The following TSC2 variants were observed in gnomAD, a reference collection of about 807,000 sequenced individuals.
The protein encoded by TSC2 is TSC complex subunit 2, also known as tuberin.
Under a neutral mutation model 202.2 loss-of-function variants are expected in TSC2, and 29 were observed. The observed-to-expected ratio is 0.14, with a 90% CI of 0.11 to 0.20. The LOEUF (loss-of-function observed/expected upper bound fraction) is 0.20. Among genes scored for constraint, TSC2 ranks in the 10% least tolerant of loss-of-function variants. The pLI, the probability that TSC2 is intolerant of heterozygous loss-of-function variation, is 1.00. For missense variants in TSC2, 2,429 were observed against 2,420.0 expected (o/e 1.00, Z -0.08); for synonymous variants, 1,349 against 1,044.0 (o/e 1.29, Z -5.63).
Position 2,077,619 on chromosome 16 carries a change from C to T in TSC2, c.2859C>T (p.Pro953=), listed in dbSNP as rs397514968. 5.0e-6 allele frequency: 8 copies of T among 1,613,068 alleles called. No homozygotes were observed. The highest frequency in any genetic ancestry group is 4.0e-5 in the African/African-American group (3 of 74,924). ...RPKSLRIARP[P]KQGLNNSPPV... Reference sequence around the variant, plus strand: ...ATAGTCTGAGGATAGCCAGACCCCCCAAACAAGGCTTGAATAACTCTCCAC... The same window carrying T: ...ATAGTCTGAGGATAGCCAGACCCCCTAAACAAGGCTTGAATAACTCTCCAC... Residue 953 remains proline (P), a synonymous_variant, in exon 26 of 42, where the codon CCC becomes CCT. Transcript: ENST00000219476.
At chr16:2,081,874 C>T in intron 31 of TSC2, 76 bp downstream of exon 31, 2 of 1,561,562 alleles carry the variant, frequency 1.3e-6, no homozygotes, top group Non-Finnish European at 8.7e-7. Context: ...AATGTGGCTC[C>T]TCTCTGCTGA....
chr16:2,083,130 C>T, intron 32 of TSC2: 1 of 456,032 alleles, frequency 2.2e-6, no homozygotes, highest in South Asian at 1.5e-5. Context: ...CTGTGATGGT[C>T]CCCTCTGTTG....
At chr16:2,070,420 T>C (rs2151276501) in intron 16 of TSC2, 36 bp from the exon 17 acceptor site, 2 of 1,613,196 alleles carry the variant, frequency 1.2e-6, no homozygotes, top group Non-Finnish European at 8.5e-7. Flanking sequence ...CGTTTTCACC[T>C]CCTGCGCCGT....
At chr16:2,086,118 T>C in intron 36 of TSC2, 75 bp from the exon 37 acceptor site, 1 of 1,574,924 alleles carries the variant, frequency 6.3e-7, no homozygotes, top group Admixed American at 1.7e-5. Context: ...CAGAGCCTGC[T>C]GGGCACCCCC....
At position 2,083,774 on chromosome 16, in the gene TSC2, G is replaced by C. The variant is rs587778737; in HGVS notation, c.3963G>C (p.Glu1321Asp). 12 of 1,611,076 alleles carry C rather than the reference G, an allele frequency of 7.4e-6. No homozygotes were observed. The highest frequency in any genetic ancestry group is 1.0e-5 in the Non-Finnish European group (12 of 1,179,460). ...AGCCCCCAGGGTTGGAGGACGTTGA[G>C]GCAGCGCTAGGCATGGACAGGCGCA... ...LVEPPGLEDV[E>D]AALGMDRRTD... is the part of the protein sequence containing the mutation. The change falls in exon 33 of 42, where the codon GAG (glutamate) becomes GAC (aspartate). Residue 1321 changes from glutamate to aspartate, a missense_variant. Physicochemically the swap from Glu to Asp is conservative, Grantham distance 45. Coordinates refer to ENST00000219476, the MANE Select transcript of TSC2 (RefSeq NM_000548.5).
At chr16:2,075,956 A>G (rs1267050849) in intron 23 of TSC2, 64 bp downstream of exon 23, 2 of 1,612,022 alleles carry the variant, frequency 1.2e-6, no homozygotes, top group African/African-American at 1.3e-5. Flanking sequence ...TGCGGCAGAA[A>G]GCCCCGGCAG....
chr16:2,076,434 G>A (rs912506333), intron 24 of TSC2, 57 bp from the exon 25 acceptor site: 4 of 1,607,848 alleles, frequency 2.5e-6, no homozygotes, highest in Non-Finnish European at 3.4e-6. Context: ...CAGGCCTGGT[G>A]AGGGCCTCCA....
In TSC2 at chr16:2,080,747, G is replaced by A. The variant is rs562784946; in HGVS notation, c.3610+370G>A. 5 of 273,078 alleles carry A rather than the reference G, an allele frequency of 1.8e-5. No homozygotes were observed. In the South Asian group the frequency reaches 2.0e-4, roughly 11 times the overall value. 16.9% of individuals were successfully genotyped at this position (273,078 alleles called of 1,614,324 possible). A position where few individuals can be genotyped will look rare whatever the true frequency, so the allele number is the denominator to read the frequency against. On this transcript the variant is annotated intron_variant, in intron 30 of 41. Transcript: ENST00000219476. ...GATCCGCCCGCCTTGGCCTCCCAAA[G>A]TGCTGGGATTACAGGCGTGAGCCAC...
chr16:2,077,124 C>T (rs2089501098), intron 25 of TSC2, among the ~76,000 whole-genome samples: 2 of 152,246 alleles, frequency 1.3e-5, no homozygotes, highest in African/African-American at 4.8e-5. Flanking sequence ...CCCTGGGGGC[C>T]GGGGGCCAAG....
intron 36 of TSC2, 22 bp from the exon 37 acceptor site, chr16:2,086,171 T>C (rs2151568303): frequency 1.2e-6 from 2 of 1,611,886 alleles, no homozygotes; most frequent in Non-Finnish European, 1.7e-6. Context: ...GATGCCACCC[T>C]GCCTCTCCCC....
At chr16:2,048,163 G>T (rs914770532) in intron 1 of TSC2, 98 bp downstream of exon 1, 80 of 1,536,908 alleles carry the variant, frequency 5.2e-5, no homozygotes, top group Non-Finnish European at 2.8e-5. Flanking sequence ...CCTCACCCGC[G>T]CCCACTGCAA....
rs1161109233 is a variant in TSC2 at position 2,083,479 on chromosome 16, G to A, written c.3884-216G>A. On this transcript the variant is annotated intron_variant, in intron 32 of 41. Transcript: ENST00000219476. ...AGAGCCGATTGCCTGCCCAACCCCC[G>A]GGCACTCATGCAGGAGAGGCCTGTG... The A allele has an allele frequency of 6.5e-6, 5 of 768,252 alleles. 1 individual carries two copies. The highest frequency in any genetic ancestry group is 2.1e-5 in the Admixed American group (1 of 46,836). The allele number at this position is 768,252 out of a possible 1,614,324, so 47.6% of individuals were successfully genotyped here. A position where few individuals can be genotyped will look rare whatever the true frequency, so the allele number is the denominator to read the frequency against.
chr16:2,053,021 C>G (rs968759807), intron 3 of TSC2, among the ~76,000 whole-genome samples: 3 of 152,190 alleles, frequency 2.0e-5, no homozygotes, highest in Non-Finnish European at 4.4e-5. Flanking sequence ...TCCGGCAGCT[C>G]TAGTGGGACT....
chr16:2,048,708 A>G lies in TSC2; in HGVS notation c.93A>G (p.Ala31=), dbSNP rs1596234316. The G allele has an allele frequency of 6.2e-7, 1 of 1,614,092 alleles. No individual in the cohort carries two copies. The highest frequency in any genetic ancestry group is 8.5e-7 in the Non-Finnish European group (1 of 1,180,024). ...CACCGAGGCCAAATCCCAGGTCTGC[A>G]GAGGGTAAACAGACGGAGTTTATCA... is the stretch of plus-strand genomic sequence containing the variant. The part of the protein sequence containing the change: ...LGTPRPNPRS[A]EGKQTEFIIT... The change falls in exon 2 of 42, where the codon GCA becomes GCG. Residue 31 remains alanine, a synonymous_variant. Coordinates refer to ENST00000219476, the MANE Select transcript of TSC2 (RefSeq NM_000548.5).
At chr16:2,075,161 TC>T (rs2089111051) in intron 22 of TSC2, 1 of 152,054 alleles carries the variant, frequency 6.6e-6, no homozygotes, top group African/African-American at 2.5e-5. Flanking sequence ...AGGTGGAGCT[TC>T]TAGTGAGCTG....
At chr16:2,088,206 A>C (rs1596459295) in intron 40 of TSC2, 21 bp from the exon 41 acceptor site, 2 of 1,612,430 alleles carry the variant, frequency 1.2e-6, no homozygotes, top group East Asian at 4.5e-5. Flanking sequence ...TAGTGAGCTC[A>C]CCCCCTGCCT....
intron 31 of TSC2, chr16:2,082,075 C>G (rs2090212344): frequency 6.7e-6 from 4 of 597,040 alleles, no homozygotes; most frequent in East Asian, 5.7e-5. Flanking sequence ...ACTGCGGGCT[C>G]CAGGAGGCTC....
intron 25 of TSC2, 70 bp from the exon 26 acceptor site, chr16:2,077,528 C>A: frequency 6.2e-7 from 1 of 1,607,884 alleles, no homozygotes; most frequent in East Asian, 2.2e-5. Context: ...CTCACCCCTC[C>A]ACTGGCTTGT....
intron 16 of TSC2, among the ~76,000 whole-genome samples, chr16:2,067,702 A>G (rs13332715): frequency 0.034 from 5,190 of 152,278 alleles, 288 homozygotes; most frequent in African/African-American, 0.12. Flanking sequence ...CCCATGAGGC[A>G]GAGGGTACAG....
Sources: gnomAD v4.1 joint callset for allele counts (sites outside exome capture counted in the v4.1 genomes callset) on GRCh38, gnomAD v4.1.1 for gene constraint, MANE v1.5 for transcripts, NCBI Gene and HGNC (gene_info 2026-07-23, HGNC 2026-07-21) for gene names.